The following LRP1B variants were observed in gnomAD, a reference collection of about 807,000 sequenced individuals.
LRP1B encodes the protein low-density lipoprotein receptor-related protein 1B.
Under a neutral mutation model 556.6 loss-of-function variants are expected in LRP1B, and 217 were observed. That is an observed-to-expected ratio of 0.39 (90% confidence interval 0.35 to 0.44). LRP1B has a LOEUF of 0.44. LRP1B is among the 20% of genes least tolerant of loss of function. LRP1B has a pLI of 1.00. For synonymous variants in LRP1B, 2,047 were observed against 1,865.8 expected, an observed-to-expected ratio of 1.10 and a Z score of -2.50; for missense variants, 5,053 against 5,620.8, an observed-to-expected ratio of 0.90 and a Z score of 3.23.
At chr2:140,443,546 T>C (rs1686521537) in intron 65 of LRP1B, among the ~76,000 whole-genome samples, 1 of 152,188 alleles carries the variant, frequency 6.6e-6, no homozygotes, top group Admixed American at 6.5e-5. Context: ...ATAAAAGTTT[T>C]TGAGGGATAC....
chr2:141,271,221 A>G (rs1037455049), intron 3 of LRP1B, among the ~76,000 whole-genome samples: 1 of 151,916 alleles, frequency 6.6e-6, no homozygotes, highest in Admixed American at 6.6e-5. Flanking sequence ...AACAAAAGCT[A>G]TGGAAAAATA....
At chr2:140,964,827 T>TGGCTTGCCACCCAAAACCTGGGA (rs1558767723) in intron 18 of LRP1B, among the ~76,000 whole-genome samples, 2 of 152,134 alleles carry the variant, frequency 1.3e-5, no homozygotes, top group Non-Finnish European at 2.9e-5. Context: ...GGTGCCTGGG[T>TGGCTTGCCACCCAAAACCTGGGA]GGCTTGCCAC....
intron 1 of LRP1B, among the ~76,000 whole-genome samples, chr2:142,106,361 G>A (rs1706746120): frequency 6.6e-6 from 1 of 152,202 alleles, no homozygotes; most frequent in South Asian, 2.1e-4. Context: ...AATTTGTAAA[G>A]CACTTTCATT....
intron 2 of LRP1B, among the ~76,000 whole-genome samples, chr2:141,564,989 T>C (rs886293650): frequency 7.2e-5 from 11 of 152,118 alleles, no homozygotes. Context: ...GAAGAATTTA[T>C]TTATATTCAA....
chr2:140,324,116 CTTTAAAAACTATG>C (rs1416781119), intron 80 of LRP1B, 50 bp from the exon 81 acceptor site: 3 of 1,114,918 alleles, frequency 2.7e-6, no homozygotes, highest in Non-Finnish European at 3.9e-6. Context: ...TATACTCAGA[CTTTAAAAACTATG>C]TTTATCCAAG....
At chr2:140,553,110 C>T (rs563821883) in intron 43 of LRP1B, among the ~76,000 whole-genome samples, 64 of 152,170 alleles carry the variant, frequency 4.2e-4, no homozygotes, top group African/African-American at 1.1e-3. Flanking sequence ...CAACTGATTG[C>T]CTCATTGACA....
intron 3 of LRP1B, among the ~76,000 whole-genome samples, chr2:141,308,480 T>C (rs564445085): frequency 6.6e-6 from 1 of 152,340 alleles, no homozygotes; most frequent in South Asian, 2.1e-4. Context: ...ACTCACAAAC[T>C]GTCCTGAGCA....
rs1037349430 is a variant in LRP1B at position 141,970,705 on chromosome 2, TC to T, written c.82+159942del. On this transcript the variant is annotated intron_variant, in intron 1 of 90. Coordinates refer to ENST00000389484, the MANE Select transcript of LRP1B (RefSeq NM_018557.3). ...CATTCCTTCATTCTAGGTTACAGGG[TC>T]CTCTCCTTTATCAACCATTAGCTTA... Among the ~76,000 whole-genome samples the T allele has an allele frequency of 2.7e-3, 402 of 151,612 alleles. 1 individual carries two copies. Among genetic ancestry groups the T allele is most frequent in the African/African-American group, 9.0e-3 (372 of 41,482 alleles).
chr2:141,022,005 G>T (rs183919870), intron 11 of LRP1B, among the ~76,000 whole-genome samples: 2 of 151,662 alleles, frequency 1.3e-5, no homozygotes, highest in Admixed American at 1.3e-4. Flanking sequence ...TACTTGATAG[G>T]ATTGTATCTT....
intron 11 of LRP1B, among the ~76,000 whole-genome samples, chr2:141,026,668 G>T (rs1433537718): frequency 6.6e-6 from 1 of 151,964 alleles, no homozygotes; most frequent in African/African-American, 2.4e-5. Flanking sequence ...TGGTAAAGGA[G>T]GCCAAGTTCT....
chr2:140,308,703 G>T lies in LRP1B; in HGVS notation c.12805+6232C>A, dbSNP rs369385296. ...ATATACATGATTTTTTAGTTCAGTTGGTCTAATAAAAACATTGAGTGTAAG... is the reference window on the plus strand; with the variant it reads ...ATATACATGATTTTTTAGTTCAGTTTGTCTAATAAAAACATTGAGTGTAAG... On this transcript the variant is annotated intron_variant, in intron 83 of 90. Coordinates refer to ENST00000389484, the MANE Select transcript of LRP1B (RefSeq NM_018557.3). Among the ~76,000 whole-genome samples the T allele has an allele frequency of 2.0e-5, 3 of 151,682 alleles. No homozygotes were observed. In the East Asian group the frequency reaches 5.8e-4, roughly 29 times the overall value.
At chr2:141,049,744 A>C (rs1476835705) in intron 10 of LRP1B, among the ~76,000 whole-genome samples, 1 of 152,100 alleles carries the variant, frequency 6.6e-6, no homozygotes, top group South Asian at 2.1e-4. Context: ...TTGCCCAAAC[A>C]TGTGACTTAT....
In LRP1B at chr2:141,900,358, G is replaced by T. The variant is rs1317901457; in HGVS notation, c.83-89957C>A. ...TGGATATGACACTGTTTGCAGATAT[G>T]CAAAAGAAAATTAGCTAGCTGGTTA... On this transcript the variant is annotated intron_variant, in intron 1 of 90. Transcript: ENST00000389484. Among the ~76,000 whole-genome samples the T allele has an allele frequency of 1.6e-4, 25 of 152,044 alleles. 1 individual carries two copies. Among genetic ancestry groups the T allele is most frequent in the Non-Finnish European group, 3.5e-4 (24 of 68,002 alleles).
intron 20 of LRP1B, among the ~76,000 whole-genome samples, chr2:140,929,903 G>A (rs1351827049): frequency 6.6e-6 from 1 of 151,932 alleles, no homozygotes; most frequent in African/African-American, 2.4e-5. Context: ...GTTTAGGAAT[G>A]CTGTCATCTT....
chr2:140,567,121 T>A (rs181347936), intron 43 of LRP1B, among the ~76,000 whole-genome samples: 122 of 152,102 alleles, frequency 8.0e-4, no homozygotes, highest in Non-Finnish European at 4.4e-5. Flanking sequence ...GACAAACAAC[T>A]CTAATACTCC....
intron 3 of LRP1B, among the ~76,000 whole-genome samples, chr2:141,425,539 G>C (rs1437931303): frequency 1.3e-5 from 2 of 149,856 alleles, no homozygotes; most frequent in African/African-American, 4.9e-5. Context: ...CCCACCAACA[G>C]TGTAAAAGTG....
chr2:141,777,881 T>A (rs1166734974), intron 2 of LRP1B, among the ~76,000 whole-genome samples: 3 of 152,088 alleles, frequency 2.0e-5, no homozygotes, highest in African/African-American at 7.2e-5. Flanking sequence ...TTTTTTTTAA[T>A]AAATATCCAA....
At chr2:141,562,127 A>C in intron 2 of LRP1B, among the ~76,000 whole-genome samples, 1 of 152,060 alleles carries the variant, frequency 6.6e-6, no homozygotes, top group Non-Finnish European at 1.5e-5. Flanking sequence ...GGTCAAAAAT[A>C]ATAGGTAAGT....
chr2:140,521,937 T>C (rs1690195826), intron 49 of LRP1B, among the ~76,000 whole-genome samples: 1 of 151,960 alleles, frequency 6.6e-6, no homozygotes, highest in South Asian at 2.1e-4. Context: ...AGCACCTAGA[T>C]TCATAAAACT....
Sources: gnomAD v4.1 joint callset for allele counts (sites outside exome capture counted in the v4.1 genomes callset) on GRCh38, gnomAD v4.1.1 for gene constraint, MANE v1.5 for transcripts, NCBI Gene and HGNC (gene_info 2026-07-23, HGNC 2026-07-21) for gene names.